Variants in UGT1A8 observed in about 807,000 individuals in gnomAD.
UGT1A8 encodes the protein UDP glucuronosyltransferase family 1 member A8.
A neutral mutation model predicts 45.3 loss-of-function variants in UGT1A8; 39 were observed. The observed-to-expected ratio is 0.86, with a 90% CI of 0.67 to 1.12. The LOEUF (loss-of-function observed/expected upper bound fraction) is 1.12, where lower values mean the gene tolerates loss of function less well. Among genes scored for constraint, UGT1A8 ranks in the 50% most tolerant of loss-of-function variants. UGT1A8 has a pLI of 0.00. For missense variants in UGT1A8, 719 were observed against 664.9 expected, an observed-to-expected ratio of 1.08 and a Z score of -0.90; for synonymous variants, 275 against 249.2, an observed-to-expected ratio of 1.10 and a Z score of -0.97.
intron 1 of UGT1A8, among the ~76,000 whole-genome samples, chr2:233,711,944 G>A (rs1242729453): frequency 1.3e-5 from 2 of 152,214 alleles, no homozygotes; most frequent in East Asian, 1.9e-4. Flanking sequence ...AAAGGCACAC[G>A]TTTAATTCTC....
chr2:233,743,894 A>G, intron 1 of UGT1A8: 2 of 1,366,966 alleles, frequency 1.5e-6, no homozygotes, highest in Non-Finnish European at 9.8e-7. Context: ...GGGCACGTCC[A>G]GCACCTCGTA....
At chr2:233,663,284 A>G (rs1292166762) in intron 1 of UGT1A8, among the ~76,000 whole-genome samples, 2 of 152,214 alleles carry the variant, frequency 1.3e-5, no homozygotes, top group Non-Finnish European at 1.5e-5. Context: ...CCGGAGTTTT[A>G]TTATTACTCA....
intron 1 of UGT1A8, among the ~76,000 whole-genome samples, chr2:233,667,345 C>A (rs971659201): frequency 6.6e-6 from 1 of 152,170 alleles, no homozygotes; most frequent in Non-Finnish European, 1.5e-5. Context: ...AAAGCTGAAA[C>A]TGGATCCCTT....
intron 1 of UGT1A8, chr2:233,672,773 G>T (rs1326548895): frequency 6.2e-7 from 1 of 1,613,612 alleles, no homozygotes; most frequent in Non-Finnish European, 8.5e-7. Flanking sequence ...TGCCATCAGG[G>T]AAAGCCGTTG....
intron 1 of UGT1A8, among the ~76,000 whole-genome samples, chr2:233,639,393 G>A (rs966818000): frequency 9.9e-5 from 15 of 152,246 alleles, no homozygotes; most frequent in African/African-American, 2.6e-4. Flanking sequence ...CTTGGATATG[G>A]CCCAACCACA....
rs370892808 is a variant in UGT1A8, at chr2:233,760,466, T to C, written c.856-6568T>C. The stretch of plus-strand genomic sequence containing the variant: ...CAGAGGGGACATGAAATAGTTGTCC[T>C]AGCACCTGACGCCTCGTTGTACATC... On this transcript the variant is annotated intron_variant, in intron 1 of 4. Transcript: ENST00000373450. The C allele has an allele frequency of 1.9e-6, 3 of 1,614,232 alleles. No homozygotes were observed. The highest frequency in any genetic ancestry group is 1.7e-6 in the Non-Finnish European group (2 of 1,180,032).
At chr2:233,743,730 C>T (rs189214805) in intron 1 of UGT1A8, 23 of 1,367,266 alleles carry the variant, frequency 1.7e-5, no homozygotes, top group South Asian at 3.4e-5. Context: ...TCATAGATAT[C>T]GCGTTTCTTG....
intron 1 of UGT1A8, chr2:233,692,279 C>G (rs2075088815): frequency 6.6e-6 from 1 of 152,370 alleles, no homozygotes. Flanking sequence ...TTTCCTCTGG[C>G]TATTCATCCG....
intron 1 of UGT1A8, among the ~76,000 whole-genome samples, chr2:233,664,601 A>T (rs1386831884): frequency 6.6e-6 from 1 of 152,228 alleles, no homozygotes; most frequent in African/African-American, 2.4e-5. Flanking sequence ...TGACAAAAGC[A>T]GGATCAAGAG....
At chr2:233,741,260 G>T (rs1242600336) in intron 1 of UGT1A8, among the ~76,000 whole-genome samples, 1 of 151,812 alleles carries the variant, frequency 6.6e-6, no homozygotes, top group Non-Finnish European at 1.5e-5. Context: ...GCCACTCTTT[G>T]CTGACCACTG....
At chr2:233,682,699 A>G in intron 1 of UGT1A8, 1 of 1,613,906 alleles carries the variant, frequency 6.2e-7, no homozygotes, top group Non-Finnish European at 8.5e-7. Flanking sequence ...GGTTGTTGCG[A>G]ACTGACTTTG....
intron 1 of UGT1A8, among the ~76,000 whole-genome samples, chr2:233,731,881 A>AC (rs1345442477): frequency 6.6e-6 from 1 of 152,198 alleles, no homozygotes; most frequent in Non-Finnish European, 1.5e-5. Flanking sequence ...CAATGGTTGA[A>AC]CTAATTTACA....
chr2:233,682,768 T>C (rs200244233), intron 1 of UGT1A8: 6 of 1,613,586 alleles, frequency 3.7e-6, no homozygotes, highest in African/African-American at 2.7e-5. Flanking sequence ...GTATCAACTG[T>C]CATCAGGGAA....
chr2:233,713,265 C>A (rs770209123), intron 1 of UGT1A8: 2 of 1,614,232 alleles, frequency 1.2e-6, no homozygotes, highest in East Asian at 2.2e-5. Flanking sequence ...ATTTGATCGC[C>A]TTTTGCTGGG....
intron 1 of UGT1A8, chr2:233,637,301 A>T (rs764913978): frequency 6.2e-7 from 1 of 1,613,834 alleles, no homozygotes; most frequent in Non-Finnish European, 8.5e-7. Flanking sequence ...TTTGTTTTGG[A>T]CTATCCCAAA....
chr2:233,653,233 G>A (rs1017615954), intron 1 of UGT1A8, among the ~76,000 whole-genome samples: 19 of 152,172 alleles, frequency 1.2e-4, no homozygotes, highest in African/African-American at 3.9e-4. Flanking sequence ...TTTAAAAGGG[G>A]ATTTATTTGA....
Position 233,768,249 on chromosome 2 carries a change from C to G in UGT1A8, c.1105C>G (p.His369Asp). 6.2e-7 allele frequency: 1 copy of G among 1,614,198 alleles called. No homozygotes were observed. Among genetic ancestry groups the G allele is most frequent in the East Asian group, 2.2e-5 (1 of 44,878 alleles). The change falls in exon 4 of 5, where the codon CAT becomes GAT. Residue 369 changes from histidine to aspartate, a missense_variant. Transcript: ENST00000373450. ...CCCGATGACCCGTGCCTTTATCACCCATGCTGGTTCCCATGGTGTTTATGA... is the reference window on the plus strand; with the variant it reads ...CCCGATGACCCGTGCCTTTATCACCGATGCTGGTTCCCATGGTGTTTATGA... ...GHPMTRAFITHAGSHGVYESI... is the reference protein window; with the variant it reads ...GHPMTRAFITDAGSHGVYESI...
intron 1 of UGT1A8, among the ~76,000 whole-genome samples, chr2:233,750,277 G>A (rs1168754564): frequency 6.6e-6 from 1 of 151,936 alleles, no homozygotes; most frequent in Non-Finnish European, 1.5e-5. Context: ...TTAGCAAAGA[G>A]ACTGGTGGCA....
intron 1 of UGT1A8, among the ~76,000 whole-genome samples, chr2:233,738,740 C>T (rs1235036519): frequency 1.3e-5 from 2 of 152,136 alleles, no homozygotes; most frequent in Non-Finnish European, 2.9e-5. Context: ...GCAGCCTGAC[C>T]ATGTGGTAGA....
Sources: allele counts gnomAD v4.1 joint callset (sites outside exome capture counted in the v4.1 genomes callset), GRCh38; gene constraint gnomAD v4.1.1; transcripts MANE v1.5; gene names NCBI Gene and HGNC (gene_info 2026-07-23, HGNC 2026-07-21).